Variants in FAM3C observed in about 807,000 individuals in gnomAD.
FAM3C encodes protein FAM3C.
A neutral mutation model predicts 32.5 loss-of-function variants in FAM3C; 15 were observed. The observed-to-expected ratio is 0.46, with a 90% CI of 0.31 to 0.71. FAM3C has a LOEUF of 0.71. Ranked by LOEUF, FAM3C falls within the 30% of genes least tolerant of loss-of-function variation. The pLI is 0.05. For missense variants in FAM3C, 175 were observed against 274.4 expected, an observed-to-expected ratio of 0.64 and a Z score of 2.56; for synonymous variants, 75 against 86.1, an observed-to-expected ratio of 0.87 and a Z score of 0.72.
chr7:121,387,623 G>A (rs1465102457), intron 1 of FAM3C, among the ~76,000 whole-genome samples: 2 of 152,008 alleles, frequency 1.3e-5, no homozygotes, highest in Non-Finnish European at 1.5e-5. Context: ...TAGCAAAGGT[G>A]GAAACAAATC....
At chr7:121,375,672 A>G (rs979677326) in intron 3 of FAM3C, among the ~76,000 whole-genome samples, 1 of 152,148 alleles carries the variant, frequency 6.6e-6, no homozygotes, top group African/African-American at 2.4e-5. Flanking sequence ...ATCACTGGAG[A>G]GGAACCATCA....
chr7:121,358,477 G>T (rs1793855164), intron 8 of FAM3C, among the ~76,000 whole-genome samples: 1 of 151,870 alleles, frequency 6.6e-6, no homozygotes, highest in South Asian at 2.1e-4. Context: ...AACATTAAAG[G>T]GGATTTAATC....
intron 1 of FAM3C, among the ~76,000 whole-genome samples, chr7:121,385,873 C>G (rs1794455990): frequency 6.6e-6 from 1 of 152,132 alleles, no homozygotes; most frequent in African/African-American, 2.4e-5. Flanking sequence ...TTCCCACCAG[C>G]CTCTAGTTGC....
intron 5 of FAM3C, chr7:121,364,453 C>T: frequency 2.8e-6 from 1 of 361,574 alleles, no homozygotes; most frequent in South Asian, 4.5e-5. Flanking sequence ...CATTTTTGTG[C>T]TACACTGCTT....
intron 1 of FAM3C, among the ~76,000 whole-genome samples, chr7:121,390,478 G>A (rs1419580469): frequency 6.6e-6 from 1 of 152,106 alleles, no homozygotes; most frequent in African/African-American, 2.4e-5. Context: ...TTCTTGCCTG[G>A]GGACTAGACT....
intron 3 of FAM3C, 41 bp from the exon 4 acceptor site, chr7:121,372,180 AT>A: frequency 7.2e-7 from 1 of 1,393,484 alleles, no homozygotes; most frequent in South Asian, 1.2e-5. Context: ...GAATGAGTCT[AT>A]TGGCAAGTAT....
intron 3 of FAM3C, among the ~76,000 whole-genome samples, chr7:121,373,716 A>G (rs561470625): frequency 6.6e-6 from 1 of 152,272 alleles, no homozygotes; most frequent in East Asian, 1.9e-4. Context: ...AAATAAATAA[A>G]TTCAATAGAA....
intron 8 of FAM3C, chr7:121,351,483 T>C (rs1411331776): frequency 2.6e-5 from 12 of 465,540 alleles, no homozygotes; most frequent in Non-Finnish European, 4.2e-5. Flanking sequence ...AAGTTTATTC[T>C]ATTAAAAGGA....
At chr7:121,393,832 T>C (rs1794628146) in intron 1 of FAM3C, among the ~76,000 whole-genome samples, 1 of 152,222 alleles carries the variant, frequency 6.6e-6, no homozygotes. Context: ...ATTTAGTCAA[T>C]GCCACTCTTG....
intron 1 of FAM3C, among the ~76,000 whole-genome samples, chr7:121,383,502 T>C (rs1237120926): frequency 6.6e-6 from 1 of 152,160 alleles, no homozygotes; most frequent in African/African-American, 2.4e-5. Context: ...ACCATAAGCA[T>C]TTACAGCAAG....
intron 4 of FAM3C, 149 bp from the exon 5 acceptor site, chr7:121,371,572 G>T: frequency 2.3e-6 from 2 of 863,564 alleles, no homozygotes; most frequent in Non-Finnish European, 3.4e-6. Flanking sequence ...TTCCCCTGAG[G>T]GTTTCAAAGA....
chr7:121,359,892 G>A (rs1793885138), intron 8 of FAM3C, 151 bp downstream of exon 8: 1 of 595,144 alleles, frequency 1.7e-6, no homozygotes, highest in South Asian at 2.1e-5. Context: ...ATAAAACCAG[G>A]AAGGAGGCAA....
At chr7:121,373,995 C>CAAAAAA (rs34141050) in intron 3 of FAM3C, among the ~76,000 whole-genome samples, 1 of 107,032 alleles carries the variant, frequency 9.3e-6, no homozygotes. Flanking sequence ...GACTCCGTCT[C>CAAAAAA]AAAAAAAAAA....
At chr7:121,355,276 C>T (rs905997789) in intron 8 of FAM3C, among the ~76,000 whole-genome samples, 6 of 152,148 alleles carry the variant, frequency 3.9e-5, no homozygotes, top group African/African-American at 1.4e-4. Flanking sequence ...CCACTTCACA[C>T]TTTTAGATTG....
rs563149211 is a variant in FAM3C at position 121,391,224 on chromosome 7, T to G, written c.-42+4938A>C. 1.7e-3 allele frequency among the ~76,000 whole-genome samples: 255 copies of G among 152,098 alleles called. 2 individuals are homozygous for G. The highest frequency in any genetic ancestry group is 2.3e-3 in the Non-Finnish European group (159 of 68,018). ...CCCAAAACAGAAAACAAGACAGAACTCTACAAAATGACATTCAGTTTTGCC... is the reference window on the plus strand; with the variant it reads ...CCCAAAACAGAAAACAAGACAGAACGCTACAAAATGACATTCAGTTTTGCC... On this transcript the variant is annotated intron_variant, in intron 1 of 9. Transcript: ENST00000359943.
At chr7:121,371,209 C>A (rs112716407) in intron 5 of FAM3C, 91 bp downstream of exon 5, 325 of 1,441,652 alleles carry the variant, frequency 2.3e-4, no homozygotes, top group Non-Finnish European at 3.0e-4. Flanking sequence ...TAAAGTATAC[C>A]GAACACATTT....
At chr7:121,356,065 A>G (rs1793802301) in intron 8 of FAM3C, among the ~76,000 whole-genome samples, 1 of 152,130 alleles carries the variant, frequency 6.6e-6, no homozygotes, top group South Asian at 2.1e-4. Flanking sequence ...CCTGAGATCA[A>G]ATAAAAAGAT....
At chr7:121,391,347 T>C (rs1305627383) in intron 1 of FAM3C, among the ~76,000 whole-genome samples, 2 of 152,132 alleles carry the variant, frequency 1.3e-5, no homozygotes, top group African/African-American at 4.8e-5. Flanking sequence ...AATGAATGGA[T>C]GGACAGAAAG....
At chr7:121,385,101 G>A (rs1187990058) in intron 1 of FAM3C, among the ~76,000 whole-genome samples, 1 of 152,162 alleles carries the variant, frequency 6.6e-6, no homozygotes, top group South Asian at 2.1e-4. Flanking sequence ...AATAGTAAAG[G>A]GAGAAAAAGG....
Sources: allele counts gnomAD v4.1 joint callset (sites outside exome capture counted in the v4.1 genomes callset), GRCh38; gene constraint gnomAD v4.1.1; transcripts MANE v1.5; gene names NCBI Gene and HGNC (gene_info 2026-07-23, HGNC 2026-07-21).